Variants in DOCK10 observed in about 807,000 individuals in gnomAD.
DOCK10 encodes the protein dedicator of cytokinesis protein 10.
DOCK10 carries 145 observed loss-of-function variants against 280.1 expected under a neutral mutation model. That is an observed-to-expected ratio of 0.52 (90% confidence interval 0.45 to 0.59). DOCK10 has a LOEUF of 0.59. Among genes scored for constraint, DOCK10 ranks in the 20% least tolerant of loss-of-function variants. The pLI is 0.00. For synonymous variants in DOCK10, 915 were observed against 942.2 expected (o/e 0.97, Z 0.53); for missense variants, 2,368 against 2,651.7 (o/e 0.89, Z 2.35).
intron 51 of DOCK10, among the ~76,000 whole-genome samples, chr2:224,775,826 TC>T (rs1187144086): frequency 6.6e-6 from 1 of 152,224 alleles, no homozygotes; most frequent in Admixed American, 6.5e-5. Context: ...TTAAAAAATA[TC>T]TTTTGGTCCC....
chr2:224,869,931 A>T (rs1244885787), intron 11 of DOCK10, among the ~76,000 whole-genome samples: 4 of 152,222 alleles, frequency 2.6e-5, no homozygotes, highest in Non-Finnish European at 4.4e-5. Context: ...TTCTGGGTCA[A>T]AAAAAGCATC....
At chr2:224,967,287 A>G (rs935370515) in intron 1 of DOCK10, among the ~76,000 whole-genome samples, 26 of 151,730 alleles carry the variant, frequency 1.7e-4, no homozygotes, top group African/African-American at 3.4e-4. Context: ...TCACCGTGTT[A>G]GTCAGGATGG....
At chr2:224,957,290 C>CCCCCT (rs1553622529) in intron 1 of DOCK10, among the ~76,000 whole-genome samples, 1 of 146,602 alleles carries the variant, frequency 6.8e-6, no homozygotes, top group African/African-American at 2.6e-5. Context: ...TTTCCGCCCC[C>CCCCCT]CCCCGGCTTT....
intron 2 of DOCK10, among the ~76,000 whole-genome samples, chr2:224,917,027 A>G (rs1701367262): frequency 6.6e-6 from 1 of 150,472 alleles, no homozygotes; most frequent in Admixed American, 6.6e-5. Context: ...CATAGTTTTA[A>G]GCTGTTCCCC....
rs532486349 is a variant in DOCK10 at position 224,907,637 on chromosome 2, G to C, written c.333+9058C>G. Among the ~76,000 whole-genome samples, 4 of 149,918 alleles carry C rather than the reference G, an allele frequency of 2.7e-5. 1 individual carries two copies. In the East Asian group the frequency reaches 7.9e-4, roughly 29 times the overall value. ...AGGGAGGCGGAGCTTGCAGAGAGCT[G>C]AGATTGCGCCACTGCACTCCAACCT... On this transcript the variant is annotated intron_variant, in intron 3 of 55. Coordinates refer to ENST00000258390, the MANE Select transcript of DOCK10 (RefSeq NM_014689.3).
chr2:224,768,888 A>G (rs891248526), intron 55 of DOCK10: 1 of 456,604 alleles, frequency 2.2e-6, no homozygotes, highest in African/African-American at 2.0e-5. Flanking sequence ...TGCTTACAGT[A>G]CTGAGGGAAA....
At chr2:224,923,070 G>T (rs570769872) in intron 2 of DOCK10, among the ~76,000 whole-genome samples, 3 of 152,090 alleles carry the variant, frequency 2.0e-5, no homozygotes, top group Non-Finnish European at 4.4e-5. Context: ...GAAGAGTATT[G>T]TTGTGATTTT....
In DOCK10 at chr2:224,845,513, C is replaced by A. The variant is rs779769462; in HGVS notation, c.2359+6G>T. 4.4e-6 allele frequency: 7 copies of A among 1,608,958 alleles called. No homozygotes were observed. The African/African-American group carries it at 6.7e-5, about 15-fold the overall frequency. On this transcript the variant is annotated splice_donor_region_variant and intron_variant, in intron 20 of 55. Transcript: ENST00000258390. ...GACTCTGCCTCAGATTTCTTCCTGGCAGTACCTGACGTTTCCAGAGCCTCC... is the reference window on the plus strand; with the variant it reads ...GACTCTGCCTCAGATTTCTTCCTGGAAGTACCTGACGTTTCCAGAGCCTCC...
chr2:224,807,078 A>G (rs1693438656), intron 33 of DOCK10, among the ~76,000 whole-genome samples: 1 of 152,046 alleles, frequency 6.6e-6, no homozygotes, highest in African/African-American at 2.4e-5. Flanking sequence ...AGTCACCCAG[A>G]TAGTCACTGA....
chr2:224,807,346 A>G (rs888613559), intron 33 of DOCK10: 5 of 211,334 alleles, frequency 2.4e-5, no homozygotes, highest in Admixed American at 1.0e-4. Flanking sequence ...GGATGTAGGG[A>G]ATGTAGAAAG....
At chr2:224,834,329 C>A in intron 25 of DOCK10, 66 bp from the exon 26 acceptor site, 1 of 926,140 alleles carries the variant, frequency 1.1e-6, no homozygotes, top group South Asian at 1.4e-5. Flanking sequence ...AAAACTATGT[C>A]ATGTGAATAA....
At chr2:224,892,397 C>CAAAAAAAAAAAAAAAAAAAAAAAAAA (rs1174651393) in intron 4 of DOCK10, among the ~76,000 whole-genome samples, 1 of 52,254 alleles carries the variant, frequency 1.9e-5, no homozygotes, top group African/African-American at 7.7e-5. Context: ...GACCCTGTCT[C>CAAAAAAAAAAAAAAAAAAAAAAAAAA]AAAAAAAAAA....
At chr2:224,983,012 T>C (rs905613298) in intron 1 of DOCK10, among the ~76,000 whole-genome samples, 1 of 152,158 alleles carries the variant, frequency 6.6e-6, no homozygotes, top group Non-Finnish European at 1.5e-5. Flanking sequence ...TGTGATTTCC[T>C]CTCAATAGTA....
intron 41 of DOCK10, 74 bp downstream of exon 41, chr2:224,800,077 T>A (rs1692873364): frequency 3.6e-6 from 3 of 840,924 alleles, no homozygotes; most frequent in Non-Finnish European, 5.6e-6. Flanking sequence ...AAAAAAACCA[T>A]GTTTTTGACT....
rs180709260 is a variant in DOCK10, at chr2:224,940,826, G to A, written c.124-9158C>T. 3.8e-3 allele frequency among the ~76,000 whole-genome samples: 581 copies of A among 152,246 alleles called. 11 individuals carry two copies. The highest frequency in any genetic ancestry group is 1.6e-3 in the Non-Finnish European group (112 of 68,010). On this transcript the variant is annotated intron_variant, in intron 1 of 55. Transcript: ENST00000258390. ...GTGTGGGAAGTTCCGGCAAACCCCT[G>A]CAATATACAACAGATCAGACACACC...
chr2:224,984,148 G>A (rs762486871), intron 1 of DOCK10, among the ~76,000 whole-genome samples: 2 of 147,668 alleles, frequency 1.4e-5, no homozygotes, highest in South Asian at 4.2e-4. Context: ...AATCACTTCC[G>A]TAGGTTGTGA....
chr2:224,814,256 A>G, intron 31 of DOCK10, 64 bp downstream of exon 31: 1 of 985,772 alleles, frequency 1.0e-6, no homozygotes, highest in Admixed American at 3.6e-5. Flanking sequence ...CTGGAAATTT[A>G]TAGTTGTCAA....
At position 224,886,077 on chromosome 2, in the gene DOCK10, T is replaced by A; in HGVS notation, c.598A>T (p.Thr200Ser). 6.2e-7 allele frequency: 1 copy of A among 1,613,806 alleles called. No individual in the cohort carries two copies. ...TATCTCCTTACCCGAACAGTAACGG[T>A]GTTGTTCACGGTGCTGTTAAAATTC... ...KGNFNSTVNN[T>S]VTVRSFKKRY... Residue 200 changes from threonine to serine, a missense_variant, in exon 6 of 56, where the codon ACC becomes TCC. Thr to Ser is a moderately conservative substitution (Grantham distance 58). Coordinates refer to ENST00000258390, the MANE Select transcript of DOCK10 (RefSeq NM_014689.3).
intron 2 of DOCK10, among the ~76,000 whole-genome samples, chr2:224,927,645 C>T (rs1159601342): frequency 1.3e-5 from 2 of 152,154 alleles, no homozygotes; most frequent in Non-Finnish European, 2.9e-5. Context: ...TATTTCTTAA[C>T]CATAAGCATT....
Sources: allele counts gnomAD v4.1 joint callset (sites outside exome capture counted in the v4.1 genomes callset), GRCh38; gene constraint gnomAD v4.1.1; transcripts MANE v1.5; gene names NCBI Gene and HGNC (gene_info 2026-07-23, HGNC 2026-07-21).